Variants in MDGA2 observed in about 807,000 individuals in gnomAD.
MDGA2 encodes the protein MAM domain-containing glycosylphosphatidylinositol anchor protein 2.
MDGA2 carries 40 observed loss-of-function variants against 117.8 expected under a neutral mutation model. The ratio of observed to expected loss-of-function variants is 0.34; its 90% CI spans 0.26 to 0.44. The LOEUF is 0.44. MDGA2 is among the 20% of genes least tolerant of loss of function. The pLI, the probability that MDGA2 is intolerant of heterozygous loss-of-function variation, is 1.00. For missense variants in MDGA2, 1,123 were observed against 1,250.6 expected (o/e 0.90, Z 1.54); for synonymous variants, 452 against 439.0 (o/e 1.03, Z -0.37).
intron 1 of MDGA2, among the ~76,000 whole-genome samples, chr14:47,420,986 A>C (rs1566447763): frequency 6.6e-6 from 1 of 152,202 alleles, no homozygotes; most frequent in South Asian, 2.1e-4. Flanking sequence ...CAAGCATAAA[A>C]CCTGAGAAAT....
chr14:47,131,901 T>C, intron 4 of MDGA2, 55 bp from the exon 5 acceptor site: 1 of 1,354,110 alleles, frequency 7.4e-7, no homozygotes, highest in South Asian at 1.5e-5. Flanking sequence ...ACAACCAGAA[T>C]GAATGAAACA....
At chr14:47,626,957 A>T (rs912706770) in intron 1 of MDGA2, among the ~76,000 whole-genome samples, 16 of 152,260 alleles carry the variant, frequency 1.1e-4, no homozygotes, top group Non-Finnish European at 2.2e-4. Flanking sequence ...GGGTGAATTC[A>T]GCTGGGCTCC....
chr14:47,421,965 G>T (rs1453721241), intron 1 of MDGA2, among the ~76,000 whole-genome samples: 3 of 127,384 alleles, frequency 2.4e-5, no homozygotes, highest in East Asian at 4.6e-4. Flanking sequence ...TGAACTTTTG[G>T]TGACTGTAAT....
At chr14:47,243,654 G>A (rs866328490) in intron 2 of MDGA2, among the ~76,000 whole-genome samples, 5 of 151,354 alleles carry the variant, frequency 3.3e-5, no homozygotes, top group Non-Finnish European at 7.4e-5. Flanking sequence ...GCGAGACCAC[G>A]AACCCACCAG....
chr14:47,561,158 G>GGTTTTTTTTTTTTT (rs1566515949), intron 1 of MDGA2, among the ~76,000 whole-genome samples: 2 of 55,076 alleles, frequency 3.6e-5, no homozygotes, highest in African/African-American at 4.6e-5. Context: ...TTTTTGTTTT[G>GGTTTTTTTTTTTTT]TTTTGTTTTT....
intron 1 of MDGA2, among the ~76,000 whole-genome samples, chr14:47,312,048 C>A (rs1889652566): frequency 6.6e-6 from 1 of 152,090 alleles, no homozygotes; most frequent in Admixed American, 6.6e-5. Flanking sequence ...TTTGTCTAAA[C>A]CATACAATGT....
At chr14:47,653,234 T>C (rs1341529632) in intron 1 of MDGA2, among the ~76,000 whole-genome samples, 2 of 152,088 alleles carry the variant, frequency 1.3e-5, no homozygotes, top group Admixed American at 1.3e-4. Flanking sequence ...ACAATAGCAA[T>C]GATTTTTCCA....
intron 1 of MDGA2, among the ~76,000 whole-genome samples, chr14:47,665,232 T>G (rs993487104): frequency 6.6e-6 from 1 of 152,212 alleles, no homozygotes; most frequent in Non-Finnish European, 1.5e-5. Context: ...CCAACCACAA[T>G]AGGAAATGTA....
At chr14:47,542,323 C>T (rs1895369608) in intron 1 of MDGA2, among the ~76,000 whole-genome samples, 1 of 152,112 alleles carries the variant, frequency 6.6e-6, no homozygotes, top group Non-Finnish European at 1.5e-5. Context: ...GCACATGTTT[C>T]TCCTTAGGAT....
chr14:47,285,051 T>C (rs1888626155), intron 2 of MDGA2, among the ~76,000 whole-genome samples: 1 of 152,114 alleles, frequency 6.6e-6, no homozygotes, highest in Non-Finnish European at 1.5e-5. Context: ...ATTGGCCAAG[T>C]CAATATGTTG....
At chr14:46,924,108 A>C (rs925320442) in intron 9 of MDGA2, among the ~76,000 whole-genome samples, 1 of 152,022 alleles carries the variant, frequency 6.6e-6, no homozygotes, top group Non-Finnish European at 1.5e-5. Context: ...TCATTAACTG[A>C]ACTGGGAGGT....
chr14:47,647,654 T>C (rs140224216), intron 1 of MDGA2, among the ~76,000 whole-genome samples: 86 of 152,276 alleles, frequency 5.6e-4, no homozygotes, highest in Middle Eastern at 3.4e-3. Flanking sequence ...TACAGTAATA[T>C]TGGGGTGGGC....
At chr14:47,613,751 G>A (rs1896897229) in intron 1 of MDGA2, among the ~76,000 whole-genome samples, 1 of 151,924 alleles carries the variant, frequency 6.6e-6, no homozygotes, top group Non-Finnish European at 1.5e-5. Context: ...AATTTTCTTT[G>A]CTGGTAAAAG....
chr14:47,179,482 C>T (rs1884612616), intron 3 of MDGA2, among the ~76,000 whole-genome samples: 1 of 151,856 alleles, frequency 6.6e-6, no homozygotes, highest in African/African-American at 2.4e-5. Flanking sequence ...CCTGATATAT[C>T]CATACTATTC....
chr14:47,598,930 C>T (rs1896595194), intron 1 of MDGA2, among the ~76,000 whole-genome samples: 1 of 152,124 alleles, frequency 6.6e-6, no homozygotes, highest in Non-Finnish European at 1.5e-5. Flanking sequence ...GGAGAACTAA[C>T]TGATATGAGA....
At chr14:47,393,098 A>ATAC (rs974204876) in intron 1 of MDGA2, among the ~76,000 whole-genome samples, 2 of 149,474 alleles carry the variant, frequency 1.3e-5, no homozygotes, top group African/African-American at 4.9e-5. Context: ...AATTAAAATA[A>ATAC]TAATAATAAT....
intron 7 of MDGA2, among the ~76,000 whole-genome samples, chr14:47,037,547 A>G (rs540720310): frequency 1.3e-5 from 2 of 152,214 alleles, no homozygotes; most frequent in Non-Finnish European, 2.9e-5. Flanking sequence ...CACTGTTTCA[A>G]ATATGAAAGA....
At chr14:47,189,699 A>T (rs1017289672) in intron 3 of MDGA2, among the ~76,000 whole-genome samples, 1 of 152,148 alleles carries the variant, frequency 6.6e-6, no homozygotes, top group African/African-American at 2.4e-5. Flanking sequence ...AATCATAAAA[A>T]CAAATCTTAA....
In MDGA2 at chr14:47,072,100, T is replaced by A. The variant is rs1419962207; in HGVS notation, c.1196-10522A>T. Among the ~76,000 whole-genome samples, 4 of 27,894 alleles carry A rather than the reference T, an allele frequency of 1.4e-4. No individual in the cohort carries two copies. The East Asian group carries it at 3.8e-3, about 26-fold the overall frequency. 18.3% of individuals were successfully genotyped at this position (27,894 alleles called of 152,430 possible). On this transcript the variant is annotated intron_variant, in intron 6 of 16. Coordinates refer to ENST00000399232, the MANE Select transcript of MDGA2 (RefSeq NM_001113498.3). ...CAGGAAGTTTGTTGGTTGTTGTTGT[T>A]TGGGGGGGGGGGGGTTTGCAGGTAT...
Sources: gnomAD v4.1 joint callset for allele counts (sites outside exome capture counted in the v4.1 genomes callset) on GRCh38, gnomAD v4.1.1 for gene constraint, MANE v1.5 for transcripts, NCBI Gene and HGNC (gene_info 2026-07-23, HGNC 2026-07-21) for gene names.